The following UNC13C variants were observed in gnomAD, a reference collection of about 807,000 sequenced individuals.
The protein encoded by UNC13C is unc-13 homolog C.
In UNC13C, 174 loss-of-function variants were observed where a neutral mutation model predicts 245.4. The ratio of observed to expected loss-of-function variants is 0.71; its 90% CI spans 0.63 to 0.80. The LOEUF is 0.80. Ranked by LOEUF, UNC13C falls within the 30% of genes least tolerant of loss-of-function variation. The pLI, the probability that UNC13C is intolerant of heterozygous loss-of-function variation, is 0.00. For missense variants in UNC13C, 2,829 were observed against 2,602.9 expected (o/e 1.09, Z -1.89); for synonymous variants, 992 against 895.1 (o/e 1.11, Z -1.93).
At chr15:53,973,480 A>G (rs1893601684), upstream of UNC13C, among the ~76,000 whole-genome samples, 1 of 152,100 alleles carries the variant, frequency 6.6e-6, no homozygotes, top group Admixed American at 6.5e-5. Flanking sequence ...TCAGAAAAAT[A>G]GTACTTGCTA....
At chr15:54,437,710 A>G (rs1332103310) in intron 19 of UNC13C, among the ~76,000 whole-genome samples, 1 of 151,962 alleles carries the variant, frequency 6.6e-6, no homozygotes, top group African/African-American at 2.4e-5. Context: ...ACAAGGAACA[A>G]TAATGATCAC....
rs186469819 is a variant in UNC13C, at chr15:54,609,609, G to A, written c.6107-12718G>A. ...CAATTCAGATAATATGAGAGTGTATGATAGCAAAGCTAATACACTCAGCCA... is the reference window on the plus strand; with the variant it reads ...CAATTCAGATAATATGAGAGTGTATAATAGCAAAGCTAATACACTCAGCCA... On this transcript the variant is annotated intron_variant, in intron 30 of 32. Transcript: ENST00000260323. Among the ~76,000 whole-genome samples, 145 of 152,226 alleles carry A rather than the reference G, an allele frequency of 9.5e-4. 1 individual carries two copies. The highest frequency in any genetic ancestry group is 3.4e-3 in the African/African-American group (140 of 41,546).
intron 10 of UNC13C, among the ~76,000 whole-genome samples, chr15:54,290,579 T>C (rs538125447): frequency 6.6e-6 from 1 of 152,188 alleles, no homozygotes; most frequent in East Asian, 1.9e-4. Context: ...TGTCTCTCCC[T>C]CCTTTTTCTA....
At chr15:53,972,319 A>G in the UNC13C span, among the ~76,000 whole-genome samples, 1 of 152,238 alleles carries the variant, frequency 6.6e-6, no homozygotes, top group Non-Finnish European at 1.5e-5. Context: ...TCTACAGAAC[A>G]TGTGGACGTG....
At chr15:54,091,451 T>C (rs1470763686) in intron 2 of UNC13C, among the ~76,000 whole-genome samples, 2 of 152,204 alleles carry the variant, frequency 1.3e-5, no homozygotes, top group East Asian at 1.9e-4. Context: ...AATTCCTGTG[T>C]TGATTTAGGA....
rs191893202 is a variant in UNC13C, at chr15:54,144,208, G to A, written c.3071+524G>A. Among the ~76,000 whole-genome samples the A allele has an allele frequency of 5.3e-5, 8 of 152,212 alleles. No homozygotes were observed. In the East Asian group the frequency reaches 9.6e-4, roughly 18 times the overall value. On this transcript the variant is annotated intron_variant, in intron 4 of 32. Transcript: ENST00000260323. ...ATTTTCTATGTAAAAAATTCAAGCA[G>A]CCTCGTCTTTAATGTTAAAAGTTAC...
chr15:53,873,401 C>T, the UNC13C span, among the ~76,000 whole-genome samples: 1 of 152,060 alleles, frequency 6.6e-6, no homozygotes, highest in African/African-American at 2.4e-5. Flanking sequence ...CTCGCAAGAT[C>T]GCTCAACTTG....
At chr15:54,100,036 G>A (rs1277271659) in intron 2 of UNC13C, among the ~76,000 whole-genome samples, 2 of 148,954 alleles carry the variant, frequency 1.3e-5, no homozygotes, top group Non-Finnish European at 3.0e-5. Flanking sequence ...GGAGGCAGAG[G>A]TTGCAGTCAG....
chr15:54,119,890 T>C (rs187673159), intron 2 of UNC13C, among the ~76,000 whole-genome samples: 355 of 152,252 alleles, frequency 2.3e-3, no homozygotes, highest in Non-Finnish European at 4.3e-3. Context: ...AACAAGGCCC[T>C]AAGGCTCCAC....
chr15:54,625,575 A>C (rs1009700402), intron 32 of UNC13C, among the ~76,000 whole-genome samples: 2 of 152,170 alleles, frequency 1.3e-5, no homozygotes, highest in Admixed American at 6.5e-5. Context: ...GAATGGATAC[A>C]TGGAGAGGTT....
chr15:53,995,133 G>A (rs994964752), intron 1 of UNC13C, among the ~76,000 whole-genome samples: 2 of 152,058 alleles, frequency 1.3e-5, no homozygotes, highest in African/African-American at 2.4e-5. Flanking sequence ...TTAAATTTGA[G>A]ATGTTAATGG....
intron 18 of UNC13C, among the ~76,000 whole-genome samples, chr15:54,402,699 A>G (rs2040211663): frequency 6.6e-6 from 1 of 152,198 alleles, no homozygotes. Flanking sequence ...AGATGATGAA[A>G]CTTAAGCATA....
chr15:53,973,876 A>G (rs1337137926), upstream of UNC13C, among the ~76,000 whole-genome samples: 1 of 152,146 alleles, frequency 6.6e-6, no homozygotes, highest in Non-Finnish European at 1.5e-5. Flanking sequence ...TGAATAATTT[A>G]CTCCATTTAA....
intron 1 of UNC13C, among the ~76,000 whole-genome samples, chr15:54,009,814 C>T (rs973978509): frequency 4.6e-5 from 7 of 152,090 alleles, no homozygotes; most frequent in Non-Finnish European, 8.8e-5. Flanking sequence ...AAGGAAGTAA[C>T]TTTCTTATGA....
At chr15:54,033,591 G>A (rs990478939) in intron 2 of UNC13C, among the ~76,000 whole-genome samples, 2 of 152,244 alleles carry the variant, frequency 1.3e-5, no homozygotes, top group African/African-American at 2.4e-5. Context: ...AAGGACCTGG[G>A]AATAAGTATT....
intron 30 of UNC13C, among the ~76,000 whole-genome samples, chr15:54,620,181 G>T (rs1900704771): frequency 6.6e-6 from 1 of 152,134 alleles, no homozygotes; most frequent in Non-Finnish European, 1.5e-5. Context: ...TCAGAAAAGT[G>T]TTCAGGCACT....
intron 4 of UNC13C, among the ~76,000 whole-genome samples, chr15:54,161,053 AC>A (rs1472152373): frequency 3.3e-5 from 5 of 152,324 alleles, no homozygotes; most frequent in African/African-American, 1.2e-4. Context: ...CAGTTGATCT[AC>A]AATGAGTGGA....
Position 54,012,791 on chromosome 15 carries a change from T to C in UNC13C, c.-113T>C. 1 of 832,684 alleles carries C rather than the reference T, an allele frequency of 1.2e-6. No homozygotes were observed. Among genetic ancestry groups the C allele is most frequent in the Non-Finnish European group, 1.9e-6 (1 of 527,528 alleles). The allele number at this position is 832,684 out of a possible 1,614,324, so 51.6% of individuals were successfully genotyped here. A position where few individuals can be genotyped will look rare whatever the true frequency, so the allele number is the denominator to read the frequency against. On this transcript the variant is annotated 5_prime_UTR_variant, in exon 2 of 33. Transcript: ENST00000260323. ...GAGCCATGCCTGCCCTTCCTGCTCT[T>C]TCCAGTGATTCACAGAACTTCTGAA...
At chr15:53,924,209 A>G in the UNC13C span, among the ~76,000 whole-genome samples, 300 of 151,622 alleles carry the variant, frequency 2.0e-3, 1 homozygote, top group Middle Eastern at 3.4e-3. Context: ...TTTATCTCAA[A>G]AAAACAAAAC....
Sources: gnomAD v4.1 joint callset for allele counts (sites outside exome capture counted in the v4.1 genomes callset) on GRCh38, gnomAD v4.1.1 for gene constraint, MANE v1.5 for transcripts, NCBI Gene and HGNC (gene_info 2026-07-23, HGNC 2026-07-21) for gene names.